The following SLC16A5 variants were observed in gnomAD, a reference collection of about 807,000 sequenced individuals.
SLC16A5 encodes the protein solute carrier family 16 member 5, also known as monocarboxylate transporter 6.
Under a neutral mutation model 33.2 loss-of-function variants are expected in SLC16A5, and 29 were observed. The observed-to-expected ratio is 0.87, with a 90% CI of 0.65 to 1.19. The LOEUF (loss-of-function observed/expected upper bound fraction) is 1.19, where lower values mean the gene tolerates loss of function less well. Ranked by LOEUF, SLC16A5 falls within the 50% of genes most tolerant of loss-of-function variation. The probability of loss-of-function intolerance (pLI) is 0.00; values close to 1 mark genes in which losing one functional copy is unlikely to be tolerated. For synonymous variants in SLC16A5, 248 were observed against 284.1 expected (o/e 0.87, Z 1.28); for missense variants, 606 against 678.2 (o/e 0.89, Z 1.18).
intron 1 of SLC16A5, among the ~76,000 whole-genome samples, chr17:75,088,706 C>T (rs576364428): frequency 6.6e-6 from 1 of 152,128 alleles, no homozygotes; most frequent in Non-Finnish European, 1.5e-5. Flanking sequence ...CCGGGGCTCT[C>T]CCACCATGGG....
At chr17:75,103,141 G>C (rs931184002) in intron 5 of SLC16A5, among the ~76,000 whole-genome samples, 1 of 151,266 alleles carries the variant, frequency 6.6e-6, no homozygotes, top group Non-Finnish European at 1.5e-5. Context: ...TGCCGGCCTC[G>C]GCCTCCCAGA....
chr17:75,093,694 A>G lies in SLC16A5; in HGVS notation c.58A>G (p.Thr20Ala), dbSNP rs1334462747. ...GSWAWVVLLA[T>A]MVTQGLTLGF... ...CTGGGCCTGGGTGGTGCTGCTGGCC[A>G]CCATGGTGACCCAGGGCCTCACCCT... Residue 20 changes from threonine to alanine, a missense_variant, in exon 3 of 7, where the codon ACC (threonine) becomes GCC (alanine). By Grantham distance (58) the Thr-to-Ala change is moderately conservative (BLOSUM62 0). Transcript: ENST00000329783. The G allele has an allele frequency of 6.2e-7, 1 of 1,613,996 alleles. No homozygotes were observed. Among genetic ancestry groups the G allele is most frequent in the Non-Finnish European group, 8.5e-7 (1 of 1,180,014 alleles).
intron 2 of SLC16A5, among the ~76,000 whole-genome samples, chr17:75,091,104 T>G (rs2073631784): frequency 6.6e-6 from 1 of 151,444 alleles, no homozygotes; most frequent in African/African-American, 2.4e-5. Flanking sequence ...GGCCTGGGAG[T>G]GCCAGGGCTA....
At chr17:75,105,798 G>A in intron 6 of SLC16A5, 82 bp from the exon 7 acceptor site, 1 of 1,461,534 alleles carries the variant, frequency 6.8e-7, no homozygotes. Flanking sequence ...GGGGTGCTCA[G>A]GTTCAGGATG....
Position 75,093,787 on chromosome 17 carries a change from G to A in SLC16A5, c.151G>A (p.Glu51Lys), listed in dbSNP as rs112767099. The A allele has an allele frequency of 1.5e-4, 247 of 1,614,142 alleles. No individual in the cohort carries two copies. The African/African-American group carries it at 2.6e-3, about 17-fold the overall frequency. Reference sequence around the variant, plus strand: ...ATGGGAGTTCCAGGCCAGCAACAGCGAGACCTCTTGGTTCCCCTCCATCCT... The same window carrying A: ...ATGGGAGTTCCAGGCCAGCAACAGCAAGACCTCTTGGTTCCCCTCCATCCT... ...LQWEFQASNS[E>K]TSWFPSILTA... The change falls in exon 3 of 7, where the codon GAG (glutamate) becomes AAG (lysine). Residue 51 changes from glutamate to lysine, a missense_variant. Transcript: ENST00000329783.
At chr17:75,108,139 G>C (rs2073877231), downstream of SLC16A5, among the ~76,000 whole-genome samples, 1 of 152,116 alleles carries the variant, frequency 6.6e-6, no homozygotes, top group Admixed American at 6.5e-5. Flanking sequence ...AGGGAAGATG[G>C]GGTGGCCCAT....
chr17:75,109,206 A>C (rs1231685707), downstream of SLC16A5, among the ~76,000 whole-genome samples: 1 of 152,070 alleles, frequency 6.6e-6, no homozygotes, highest in Non-Finnish European at 1.5e-5. This position sits in a 1 kb window ranked among gnomAD's most constrained non-coding sequence, Gnocchi z 5.0. Flanking sequence ...AAAGCGCCAC[A>C]ATCAAGGCTC....
At chr17:75,101,100 T>C (rs760746303) in intron 5 of SLC16A5, among the ~76,000 whole-genome samples, 9 of 148,870 alleles carry the variant, frequency 6.0e-5, no homozygotes, top group Non-Finnish European at 1.0e-4. Flanking sequence ...TACAAAAAAA[T>C]TAGTTGGGCG....
chr17:75,105,114 A>G, intron 6 of SLC16A5: 1 of 985,418 alleles, frequency 1.0e-6, no homozygotes, highest in Non-Finnish European at 1.2e-6. Flanking sequence ...TGGGCCTCGC[A>G]CTGGGCAGTG....
upstream of SLC16A5, chr17:75,087,929 C>T (rs2073588902): frequency 1.3e-5 from 2 of 152,152 alleles, no homozygotes; most frequent in Non-Finnish European, 1.5e-5. Flanking sequence ...CTGGGCCCGC[C>T]CTGCCTGGCC....
chr17:75,104,041 G>T lies in SLC16A5; in HGVS notation c.1225G>T (p.Ala409Ser). The T allele has an allele frequency of 3.7e-6, 6 of 1,614,200 alleles. No individual in the cohort carries two copies. Among genetic ancestry groups the T allele is most frequent in the Non-Finnish European group, 5.1e-6 (6 of 1,180,038 alleles). Residue 409 changes from alanine to serine, a missense_variant, in exon 6 of 7, where the codon GCC becomes TCC. Ala to Ser is a moderately conservative substitution (Grantham distance 99, BLOSUM62 1). Transcript: ENST00000329783. ...YMSSFFLISA[A>S]LFMGGSFYAL... Reference sequence around the variant, plus strand: ...GTCCAGCTTCTTCCTCATCTCAGCTGCCCTCTTCATGGGTGGCAGCTTCTA... The same window carrying T: ...GTCCAGCTTCTTCCTCATCTCAGCTTCCCTCTTCATGGGTGGCAGCTTCTA...
chr17:75,090,462 CTTT>C (rs71159429), intron 2 of SLC16A5: 22 of 122,308 alleles, frequency 1.8e-4, no homozygotes, highest in South Asian at 2.4e-4. Flanking sequence ...CTTTTCTTTT[CTTT>C]TTTTTTTTTT....
Position 75,095,852 on chromosome 17 carries a change from G to T in SLC16A5, c.199+2017G>T, listed in dbSNP as rs1044179461. On this transcript the variant is annotated intron_variant, in intron 3 of 6. Coordinates refer to ENST00000329783, the MANE Select transcript of SLC16A5 (RefSeq NM_004695.4). ...TTTTTTGTATTTTTAGTAGAGACGG[G>T]GTTTCACCGTGTTAGCCAGGATGGT... Among the ~76,000 whole-genome samples, 22 of 151,702 alleles carry T rather than the reference G, an allele frequency of 1.5e-4. 1 individual carries two copies. The highest frequency in any genetic ancestry group is 2.8e-4 in the Non-Finnish European group (19 of 68,000).
At position 75,105,676 on chromosome 17, in the gene SLC16A5, T is replaced by A. The variant is rs924888600; in HGVS notation, c.1365-204T>A. Reference sequence around the variant, plus strand: ...ATGATAAAACAGAATGTGTTTGAATTACACACAAAAATGTTCCCTGCAGCA... The same window carrying A: ...ATGATAAAACAGAATGTGTTTGAATAACACACAAAAATGTTCCCTGCAGCA... On this transcript the variant is annotated intron_variant, in intron 6 of 6. Coordinates refer to ENST00000329783, the MANE Select transcript of SLC16A5 (RefSeq NM_004695.4). 5.3e-5 allele frequency: 52 copies of A among 985,262 alleles called. No individual in the cohort carries two copies. The Middle Eastern group carries it at 2.1e-3, about 39-fold the overall frequency. The allele number at this position is 985,262 out of a possible 1,614,324, so 61.0% of individuals were successfully genotyped here. A position where few individuals can be genotyped will look rare whatever the true frequency, so the allele number is the denominator to read the frequency against.
chr17:75,109,962 G>GGAGCCCGGAACC (rs2073894142), downstream of SLC16A5: 5 of 284,592 alleles, frequency 1.8e-5, no homozygotes, highest in South Asian at 1.6e-4. The surrounding 1 kb of genome is among the most constrained non-coding windows in gnomAD (Gnocchi z 5.0). Flanking sequence ...GCTTCCGCCG[G>GGAGCCCGGAACC]GAGCCCGGAA....
Position 75,103,153 on chromosome 17 carries a change from T to A in SLC16A5, c.1154-817T>A, listed in dbSNP as rs905810067. On this transcript the variant is annotated intron_variant, in intron 5 of 6. Coordinates refer to ENST00000329783, the MANE Select transcript of SLC16A5 (RefSeq NM_004695.4). ...ATCTGCCGGCCTCGGCCTCCCAGAG[T>A]GCTGGGATTACAGGTGTGAGCCACC... Among the ~76,000 whole-genome samples the A allele has an allele frequency of 7.9e-5, 12 of 152,178 alleles. No individual in the cohort carries two copies. The East Asian group carries it at 2.1e-3, about 27-fold the overall frequency.
downstream of SLC16A5, among the ~76,000 whole-genome samples, chr17:75,108,995 T>C (rs143920128): frequency 6.6e-6 from 1 of 152,136 alleles, no homozygotes; most frequent in Non-Finnish European, 1.5e-5. Flanking sequence ...CCATTTAGAT[T>C]AACAACTTTT....
At chr17:75,106,215 C>T (rs184313814), downstream of SLC16A5, 29 of 437,844 alleles carry the variant, frequency 6.6e-5, no homozygotes, top group Admixed American at 3.5e-4. Context: ...AAGTCTGACT[C>T]GGTGAGCATC....
intron 3 of SLC16A5, among the ~76,000 whole-genome samples, chr17:75,097,270 T>C (rs993174042): frequency 1.3e-5 from 2 of 152,024 alleles, no homozygotes; most frequent in Admixed American, 1.3e-4. Context: ...CCACATGTGC[T>C]TGGGTGAATG....
Sources: allele counts gnomAD v4.1 joint callset (sites outside exome capture counted in the v4.1 genomes callset), GRCh38; gene constraint gnomAD v4.1.1; non-coding constraint Gnocchi (gnomAD v3.1); transcripts MANE v1.5; gene names NCBI Gene and HGNC (gene_info 2026-07-23, HGNC 2026-07-21).